The following DIAPH2 variants were observed in gnomAD, a reference collection of about 807,000 sequenced individuals.
DIAPH2 encodes the protein protein diaphanous homolog 2.
A neutral mutation model predicts 92.7 loss-of-function variants in DIAPH2; 35 were observed. The ratio of observed to expected loss-of-function variants is 0.38; its 90% CI spans 0.29 to 0.50. DIAPH2 has a LOEUF of 0.50. Ranked by LOEUF, DIAPH2 falls within the 20% of genes least tolerant of loss-of-function variation. DIAPH2 has a pLI of 0.94. For synonymous variants in DIAPH2, 301 were observed against 280.4 expected (o/e 1.07, Z -0.73); for missense variants, 701 against 819.5 (o/e 0.86, Z 1.77).
Position 97,481,706 on chromosome X carries a change from T to TTGTA in DIAPH2, c.3241+51963_3241+51966dup, listed in dbSNP as rs748813200. On this transcript the variant is annotated intron_variant, in intron 26 of 26. Transcript: ENST00000324765. ...AATAGGAATTATAATTCATACTCTT[T>TTGTA]TGTATCTCTACTCCCTACTGCCCCC... Among the ~76,000 whole-genome samples, 382 of 111,524 alleles carry TTGTA rather than the reference T, an allele frequency of 3.4e-3. 5 individuals are homozygous for TTGTA. Among genetic ancestry groups the TTGTA allele is most frequent in the African/African-American group, 0.012 (363 of 30,719 alleles).
intron 26 of DIAPH2, among the ~76,000 whole-genome samples, chrX:97,461,176 A>G (rs1047668064): frequency 9.0e-6 from 1 of 110,592 alleles, no homozygotes; most frequent in African/African-American, 3.3e-5. Flanking sequence ...TCAGTCTCTC[A>G]GTCTTTCTGC....
At chrX:96,818,842 C>G (rs989571843) in intron 4 of DIAPH2, among the ~76,000 whole-genome samples, 1 of 112,757 alleles carries the variant, frequency 8.9e-6, no homozygotes, top group Non-Finnish European at 1.9e-5. Flanking sequence ...AACTTTTTGG[C>G]ACCAGTGGCC....
chrX:97,000,620 T>TACACACACAC (rs56284459), intron 17 of DIAPH2, among the ~76,000 whole-genome samples: 6 of 99,883 alleles, frequency 6.0e-5, no homozygotes, highest in Non-Finnish European at 1.0e-4. Context: ...TACAAATGAA[T>TACACACACAC]ACACACACAC....
At chrX:97,196,789 GT>G (rs769690726) in intron 22 of DIAPH2, among the ~76,000 whole-genome samples, 352 of 99,547 alleles carry the variant, frequency 3.5e-3, no homozygotes, top group East Asian at 0.021. Context: ...TTTTTTTTCG[GT>G]TTTTTTTTTT....
chrX:97,153,482 G>A (rs939375868), intron 22 of DIAPH2, among the ~76,000 whole-genome samples: 3 of 110,222 alleles, frequency 2.7e-5, no homozygotes, highest in Non-Finnish European at 5.7e-5. Context: ...CTACTTGGGA[G>A]GTTGAGGCAG....
At chrX:97,460,855 CG>C (rs1425728151) in intron 26 of DIAPH2, among the ~76,000 whole-genome samples, 1 of 111,828 alleles carries the variant, frequency 8.9e-6, no homozygotes, top group Non-Finnish European at 1.9e-5. Flanking sequence ...AGTGAAGGAG[CG>C]TGGAACAAGG....
At chrX:96,847,350 A>T (rs751464117) in intron 4 of DIAPH2, among the ~76,000 whole-genome samples, 1 of 112,095 alleles carries the variant, frequency 8.9e-6, no homozygotes, top group Non-Finnish European at 1.9e-5. Context: ...AAGGCAGTGA[A>T]GTGCAATGGA....
intron 21 of DIAPH2, among the ~76,000 whole-genome samples, chrX:97,123,878 C>T (rs776038034): frequency 8.9e-6 from 1 of 112,648 alleles, no homozygotes; most frequent in Non-Finnish European, 1.9e-5. Flanking sequence ...AAGATGTCAG[C>T]TACCTGGTCT....
chrX:97,290,500 T>C (rs947806228), intron 23 of DIAPH2, among the ~76,000 whole-genome samples: 12 of 111,855 alleles, frequency 1.1e-4, no homozygotes, highest in African/African-American at 3.9e-4. Context: ...GCCAGTACAA[T>C]ATGAAAATGT....
chrX:96,741,157 CT>C (rs2064117035), intron 3 of DIAPH2, among the ~76,000 whole-genome samples: 1 of 108,614 alleles, frequency 9.2e-6, no homozygotes, highest in Non-Finnish European at 1.9e-5. Context: ...ACAGATATTG[CT>C]TCAATAATTT....
chrX:97,236,962 A>G (rs1236705457), intron 22 of DIAPH2, among the ~76,000 whole-genome samples: 1 of 112,138 alleles, frequency 8.9e-6, no homozygotes, highest in Non-Finnish European at 1.9e-5. Flanking sequence ...TTGTCAAAAC[A>G]TTGTTTGACA....
intron 25 of DIAPH2, among the ~76,000 whole-genome samples, chrX:97,386,739 G>GC (rs2069605356): frequency 9.2e-6 from 1 of 108,380 alleles, no homozygotes. Flanking sequence ...CGGAGAAGAG[G>GC]CCAGAAGAGA....
At chrX:97,435,488 C>G (rs769544875) in intron 26 of DIAPH2, among the ~76,000 whole-genome samples, 1 of 111,714 alleles carries the variant, frequency 9.0e-6, no homozygotes, top group East Asian at 2.8e-4. Context: ...CCACTCCCAA[C>G]CCCCCACCTC....
At chrX:97,181,384 G>A (rs1367495994) in intron 22 of DIAPH2, among the ~76,000 whole-genome samples, 2 of 109,928 alleles carry the variant, frequency 1.8e-5, no homozygotes, top group African/African-American at 6.6e-5. Flanking sequence ...ATCTAAGGTG[G>A]CATGAGTATA....
intron 26 of DIAPH2, among the ~76,000 whole-genome samples, chrX:97,515,565 T>G (rs1029809651): frequency 2.7e-5 from 3 of 112,029 alleles, no homozygotes; most frequent in East Asian, 2.8e-4. Context: ...ATGCTTAGGT[T>G]TGATGAAGAA....
intron 17 of DIAPH2, among the ~76,000 whole-genome samples, chrX:96,998,037 A>T (rs941875723): frequency 1.2e-4 from 13 of 111,843 alleles, no homozygotes; most frequent in African/African-American, 4.2e-4. Context: ...ATCAGCTTAA[A>T]TTGTGGGAGG....
chrX:97,096,455 G>C (rs1298634980), intron 19 of DIAPH2, among the ~76,000 whole-genome samples: 5 of 111,334 alleles, frequency 4.5e-5, no homozygotes, highest in Non-Finnish European at 7.5e-5. Context: ...GATGTTTCTA[G>C]AGGTCTCAGG....
intron 23 of DIAPH2, among the ~76,000 whole-genome samples, chrX:97,343,574 C>T (rs1412471252): frequency 1.8e-5 from 2 of 110,307 alleles, no homozygotes; most frequent in African/African-American, 6.6e-5. Context: ...GAGGCTGAGG[C>T]GGGAGAATCG....
chrX:97,455,532 A>C (rs1418008371), intron 26 of DIAPH2, among the ~76,000 whole-genome samples: 1 of 112,302 alleles, frequency 8.9e-6, no homozygotes, highest in African/African-American at 3.2e-5. Flanking sequence ...ATCAAATCAT[A>C]AATTATTCAA....
Sources: gnomAD v4.1 joint callset for allele counts (sites outside exome capture counted in the v4.1 genomes callset) on GRCh38, gnomAD v4.1.1 for gene constraint, MANE v1.5 for transcripts, NCBI Gene and HGNC (gene_info 2026-07-23, HGNC 2026-07-21) for gene names.